Variants in GRIK3 observed in about 807,000 individuals in gnomAD.
GRIK3 encodes the protein glutamate receptor ionotropic, kainate 3.
Under a neutral mutation model 102.5 loss-of-function variants are expected in GRIK3, and 29 were observed. The observed-to-expected ratio is 0.28, with a 90% CI of 0.21 to 0.39. The LOEUF is 0.39. Among genes scored for constraint, GRIK3 ranks in the 10% least tolerant of loss-of-function variants. The pLI is 1.00. For synonymous variants in GRIK3, 511 were observed against 504.9 expected, an observed-to-expected ratio of 1.01 and a Z score of -0.16; for missense variants, 908 against 1,252.4, an observed-to-expected ratio of 0.73 and a Z score of 4.15.
intron 1 of GRIK3, among the ~76,000 whole-genome samples, chr1:36,913,081 C>T (rs1570795549): frequency 6.6e-6 from 1 of 152,174 alleles, no homozygotes; most frequent in African/African-American, 2.4e-5. Flanking sequence ...CAGTAGACAC[C>T]CTGTCCCTTA....
chr1:36,829,719 A>G (rs184186230), intron 10 of GRIK3, among the ~76,000 whole-genome samples: 4 of 152,094 alleles, frequency 2.6e-5, no homozygotes, highest in Admixed American at 2.0e-4. Flanking sequence ...CTATCCTTGC[A>G]TGAGGTCACC....
intron 10 of GRIK3, among the ~76,000 whole-genome samples, chr1:36,827,121 C>T (rs887966657): frequency 6.6e-6 from 1 of 152,188 alleles, no homozygotes; most frequent in Non-Finnish European, 1.5e-5. Context: ...TCCATGAAGC[C>T]AGCTCTGCTT....
In GRIK3 at chr1:36,826,122, G is replaced by T. The variant is rs114071269; in HGVS notation, c.1531-296C>A. On this transcript the variant is annotated intron_variant, in intron 10 of 15. Coordinates refer to ENST00000373091, the MANE Select transcript of GRIK3 (RefSeq NM_000831.4). ...ACTCTATTAAAGCTGTAACCCATGT[G>T]CTCCCTTCTCAAAATGGTGCTTTGT... Among the ~76,000 whole-genome samples, 325 of 152,292 alleles carry T rather than the reference G, an allele frequency of 2.1e-3. 2 individuals carry two copies. Among genetic ancestry groups the T allele is most frequent in the African/African-American group, 7.4e-3 (308 of 41,542 alleles).
intron 1 of GRIK3, among the ~76,000 whole-genome samples, chr1:37,019,048 C>A (rs777817413): frequency 6.6e-6 from 1 of 152,194 alleles, no homozygotes; most frequent in Non-Finnish European, 1.5e-5. Context: ...TGGATTTACA[C>A]TGCATCAGGA....
At chr1:36,900,862 AAG>A (rs1278054709) in intron 1 of GRIK3, among the ~76,000 whole-genome samples, 1 of 152,180 alleles carries the variant, frequency 6.6e-6, no homozygotes, top group Non-Finnish European at 1.5e-5. Flanking sequence ...TCAGAAGTGA[AAG>A]AGGGGACATC....
At chr1:36,982,245 A>T (rs932435707) in intron 1 of GRIK3, among the ~76,000 whole-genome samples, 2 of 152,070 alleles carry the variant, frequency 1.3e-5, no homozygotes, top group African/African-American at 4.8e-5. Flanking sequence ...CTGGGACAGG[A>T]CTCTGATGGT....
At chr1:36,815,492 A>G (rs561369945) in intron 13 of GRIK3, among the ~76,000 whole-genome samples, 1 of 152,354 alleles carries the variant, frequency 6.6e-6, no homozygotes, top group South Asian at 2.1e-4. Context: ...CCCAGAGGAA[A>G]GGAAAATACC....
At chr1:36,997,487 G>GC (rs1171233032) in intron 1 of GRIK3, among the ~76,000 whole-genome samples, 1 of 152,196 alleles carries the variant, frequency 6.6e-6, no homozygotes, top group African/African-American at 2.4e-5. Flanking sequence ...GAGGGAGCTG[G>GC]CCCCCCTATA....
chr1:37,000,033 T>G (rs1204638313), intron 1 of GRIK3, among the ~76,000 whole-genome samples: 1 of 152,152 alleles, frequency 6.6e-6, no homozygotes, highest in Admixed American at 6.5e-5. Flanking sequence ...CTGAGCACAC[T>G]CCACATTTTA....
chr1:36,949,985 C>T (rs1047492607), intron 1 of GRIK3, among the ~76,000 whole-genome samples: 7 of 152,142 alleles, frequency 4.6e-5, no homozygotes, highest in African/African-American at 1.4e-4. Flanking sequence ...ATATCAGAGC[C>T]AGGATTTGAA....
chr1:36,915,764 T>C (rs557407895), intron 1 of GRIK3, among the ~76,000 whole-genome samples: 6 of 152,152 alleles, frequency 3.9e-5, no homozygotes, highest in Non-Finnish European at 8.8e-5. Flanking sequence ...TCCATCATGA[T>C]TGTGAGGGCT....
chr1:36,893,118 C>T lies in GRIK3; in HGVS notation c.116-2022G>A, dbSNP rs548815089. On this transcript the variant is annotated intron_variant, in intron 1 of 15. Transcript: ENST00000373091. ...AAAGAAAATATAGGTGAATATTTTA[C>T]AATATTGGGTAGAGGAGGTCTTTCT... is the stretch of plus-strand genomic sequence containing the variant. Among the ~76,000 whole-genome samples, 3 of 152,124 alleles carry T rather than the reference C, an allele frequency of 2.0e-5. No homozygotes were observed. In the South Asian group the frequency reaches 6.2e-4, roughly 32 times the overall value.
At chr1:36,923,243 G>A (rs1641493090) in intron 1 of GRIK3, among the ~76,000 whole-genome samples, 1 of 152,226 alleles carries the variant, frequency 6.6e-6, no homozygotes, top group Admixed American at 6.5e-5. Flanking sequence ...AATGGAATAT[G>A]GCTGTGTCTT....
At chr1:36,992,097 C>A (rs1295672332) in intron 1 of GRIK3, among the ~76,000 whole-genome samples, 1 of 152,226 alleles carries the variant, frequency 6.6e-6, no homozygotes, top group Non-Finnish European at 1.5e-5. Context: ...TCTGCTTCTC[C>A]TTGTGCTCAA....
At position 36,887,124 on chromosome 1, in the gene GRIK3, C is replaced by T. The variant is rs571802651; in HGVS notation, c.292+3796G>A. ...CCTAAGAAATGGAAGGTTTTACTCCCATCAGCATTGTATAGAAAAAATAAG... is the reference window on the plus strand; with the variant it reads ...CCTAAGAAATGGAAGGTTTTACTCCTATCAGCATTGTATAGAAAAAATAAG... On this transcript the variant is annotated intron_variant, in intron 2 of 15. Transcript: ENST00000373091. Among the ~76,000 whole-genome samples the T allele has an allele frequency of 7.2e-5, 11 of 152,234 alleles. No homozygotes were observed. The South Asian group carries it at 1.2e-3, about 17-fold the overall frequency.
At chr1:36,959,515 G>GT (rs1641973456) in intron 1 of GRIK3, among the ~76,000 whole-genome samples, 1 of 132,534 alleles carries the variant, frequency 7.5e-6, no homozygotes, top group African/African-American at 2.7e-5. Context: ...GTGACTGTGT[G>GT]CCCTGTGAGC....
At chr1:36,863,997 T>G (rs1640755802) in intron 5 of GRIK3, among the ~76,000 whole-genome samples, 1 of 152,168 alleles carries the variant, frequency 6.6e-6, no homozygotes, top group African/African-American at 2.4e-5. Flanking sequence ...AAAGTCATTG[T>G]GGTTTTTGTT....
In GRIK3 at chr1:36,971,863, G is replaced by C. The variant is rs867743728; in HGVS notation, c.115+62131C>G. On this transcript the variant is annotated intron_variant, in intron 1 of 15. Transcript: ENST00000373091. ...CTTCTTGCAGCCACATTATATAAAC[G>C]GGCCCACCAATAGTCACAGAGGCCT... 8.5e-5 allele frequency among the ~76,000 whole-genome samples: 13 copies of C among 152,136 alleles called. 1 individual carries two copies. The highest frequency in any genetic ancestry group is 6.8e-3 in the Middle Eastern group (2 of 294).
chr1:36,830,801 ACT>A (rs1455601841), intron 10 of GRIK3, among the ~76,000 whole-genome samples: 1 of 133,200 alleles, frequency 7.5e-6, no homozygotes, highest in Non-Finnish European at 1.5e-5. Context: ...ACAGAGCGAG[ACT>A]CTGTCTCAAA....
Sources: allele counts gnomAD v4.1 joint callset (sites outside exome capture counted in the v4.1 genomes callset), GRCh38; gene constraint gnomAD v4.1.1; transcripts MANE v1.5; gene names NCBI Gene and HGNC (gene_info 2026-07-23, HGNC 2026-07-21).